Variants in NTNG2 observed in about 807,000 individuals in gnomAD.
NTNG2 encodes netrin G2, also known as netrin-G2.
In NTNG2, 15 loss-of-function variants were observed where a neutral mutation model predicts 47.6. The observed-to-expected ratio is 0.32, with a 90% CI of 0.21 to 0.49. The LOEUF is 0.49. Ranked by LOEUF, NTNG2 falls within the 20% of genes least tolerant of loss-of-function variation. The pLI, the probability that NTNG2 is intolerant of heterozygous loss-of-function variation, is 0.99. For missense variants in NTNG2, 578 were observed against 764.6 expected (o/e 0.76, Z 2.88); for synonymous variants, 307 against 324.6 (o/e 0.95, Z 0.58).
intron 3 of NTNG2, among the ~76,000 whole-genome samples, chr9:132,217,860 A>T (rs1255261746): frequency 6.6e-6 from 1 of 152,176 alleles, no homozygotes; most frequent in African/African-American, 2.4e-5. Flanking sequence ...TGGGGTTACC[A>T]TCTCTCAGTC....
rs1476021327 is a variant in NTNG2 at position 132,231,202 on chromosome 9, C to T, written c.1054+607C>T. On this transcript the variant is annotated intron_variant, in intron 5 of 7. Transcript: ENST00000393229. The surrounding 1 kb of genome is among the most constrained non-coding windows in gnomAD (Gnocchi z 4.1). ...GGGTCCTGAGAGTTCCCCAGGAGGG[C>T]GAGGGCGACATGGCGCCCACAGGTT... The T allele has an allele frequency of 7.2e-6, 3 of 415,550 alleles. No individual in the cohort carries two copies. The highest frequency in any genetic ancestry group is 2.6e-5 in the Admixed American group (1 of 38,432). The allele number at this position is 415,550 out of a possible 1,614,324, so 25.7% of individuals were successfully genotyped here. A position where few individuals can be genotyped will look rare whatever the true frequency, so the allele number is the denominator to read the frequency against.
At chr9:132,214,585 G>T (rs1056109212) in intron 3 of NTNG2, among the ~76,000 whole-genome samples, 1 of 152,194 alleles carries the variant, frequency 6.6e-6, no homozygotes, top group African/African-American at 2.4e-5. Context: ...TGAAAAGGTG[G>T]CTGTGGCTCT....
chr9:132,182,797 G>A lies in NTNG2; in HGVS notation c.214-15169G>A, dbSNP rs1015809746. ...GCTATGACCCCACCAGGAGCGGAGC[G>A]GGCAGGGACCAGGCTGCCCTCTAAG... On this transcript the variant is annotated intron_variant, in intron 2 of 7. Coordinates refer to ENST00000393229, the MANE Select transcript of NTNG2 (RefSeq NM_032536.4). The surrounding 1 kb of genome is among the most constrained non-coding windows in gnomAD (Gnocchi z 4.2). Among the ~76,000 whole-genome samples, 2 of 151,346 alleles carry A rather than the reference G, an allele frequency of 1.3e-5. No homozygotes were observed. The highest frequency in any genetic ancestry group is 2.1e-4 in the South Asian group (1 of 4,826).
Position 132,198,457 on chromosome 9 carries a change from G to A in NTNG2, c.705G>A (p.Thr235=). The stretch of plus-strand genomic sequence containing the variant: ...TGCGCAACATGGACAACCTCTACAC[G>A]CGGCTGGAGAGCGCCAAGGGCCTCA... ...PDLRNMDNLY[T]RLESAKGLKE... The change falls in exon 3 of 8, where the codon ACG becomes ACA. Residue 235 remains threonine, a synonymous_variant. Coordinates refer to ENST00000393229, the MANE Select transcript of NTNG2 (RefSeq NM_032536.4). The A allele has an allele frequency of 6.2e-7, 1 of 1,610,494 alleles. No homozygotes were observed. The highest frequency in any genetic ancestry group is 8.5e-7 in the Non-Finnish European group (1 of 1,177,964).
chr9:132,209,712 C>G (rs1267442190), intron 3 of NTNG2, among the ~76,000 whole-genome samples: 2 of 151,626 alleles, frequency 1.3e-5, no homozygotes. Context: ...AATGCCAACA[C>G]TTTTAAAAGA....
chr9:132,174,757 AC>A (rs1836284711), intron 2 of NTNG2, among the ~76,000 whole-genome samples: 1 of 151,980 alleles, frequency 6.6e-6, no homozygotes, highest in African/African-American at 2.4e-5. Flanking sequence ...CCCCGTCTCT[AC>A]TAAAAATACA....
chr9:132,168,316 A>G (rs997195825), intron 2 of NTNG2, among the ~76,000 whole-genome samples: 1 of 152,208 alleles, frequency 6.6e-6, no homozygotes, highest in Non-Finnish European at 1.5e-5. Flanking sequence ...GCTTGATGCC[A>G]TCCCCCAGGC....
At chr9:132,179,221 G>A (rs572917323) in intron 2 of NTNG2, among the ~76,000 whole-genome samples, 2 of 152,314 alleles carry the variant, frequency 1.3e-5, no homozygotes, top group Non-Finnish European at 2.9e-5. Flanking sequence ...ATCTGGTGGG[G>A]GACACAGGAT....
chr9:132,192,740 C>T (rs138164196), intron 2 of NTNG2, among the ~76,000 whole-genome samples: 330 of 152,232 alleles, frequency 2.2e-3, no homozygotes, highest in Non-Finnish European at 4.0e-3. Context: ...ATTCTGAGAC[C>T]TTGGGGAGCA....
chr9:132,171,283 T>C (rs1334147966), intron 2 of NTNG2, among the ~76,000 whole-genome samples: 2 of 152,168 alleles, frequency 1.3e-5, no homozygotes, highest in East Asian at 3.9e-4. Context: ...AGTTTCCCTA[T>C]CTGTAAAAGG....
chr9:132,174,880 C>A (rs1300873786), intron 2 of NTNG2, among the ~76,000 whole-genome samples: 2 of 151,736 alleles, frequency 1.3e-5, no homozygotes, highest in Admixed American at 1.3e-4. Flanking sequence ...TGAGATCGTC[C>A]CACTGCACTC....
intron 2 of NTNG2, among the ~76,000 whole-genome samples, chr9:132,172,269 C>T (rs1268426764): frequency 6.6e-6 from 1 of 152,214 alleles, no homozygotes; most frequent in Admixed American, 6.5e-5. Flanking sequence ...TTCTCTGACT[C>T]CTTTGCCCAG....
Position 132,241,838 on chromosome 9 carries a change from G to A in NTNG2, c.1358-38G>A, listed in dbSNP as rs757645581. The stretch of plus-strand genomic sequence containing the variant: ...GAGCTCGGAGGTTGGCGGGGGGACC[G>A]GGCCACCCCCCGTGCTGACCGCCCC... On this transcript the variant is annotated intron_variant, in intron 7 of 7. Coordinates refer to ENST00000393229, the MANE Select transcript of NTNG2 (RefSeq NM_032536.4). 8.3e-6 allele frequency: 12 copies of A among 1,440,996 alleles called. No homozygotes were observed. In the South Asian group the frequency reaches 1.5e-4, roughly 18 times the overall value. The allele number at this position is 1,440,996 out of a possible 1,614,324, so 89.3% of individuals were successfully genotyped here.
intron 2 of NTNG2, among the ~76,000 whole-genome samples, chr9:132,183,546 G>A (rs60391581): frequency 0.014 from 2,147 of 152,258 alleles, 80 homozygotes; most frequent in East Asian, 0.14. Context: ...GACTGCCCCA[G>A]CCCGTCACCT....
intron 2 of NTNG2, among the ~76,000 whole-genome samples, chr9:132,188,615 C>G (rs1837590918): frequency 6.6e-6 from 1 of 152,162 alleles, no homozygotes; most frequent in African/African-American, 2.4e-5. Flanking sequence ...AGCACAGGGC[C>G]GAGGTGGAAG....
rs375204040 is a variant in NTNG2 at position 132,239,067 on chromosome 9, G to A, written c.1055-37G>A. On this transcript the variant is annotated intron_variant, in intron 5 of 7. Transcript: ENST00000393229. ...TGTCCCTCAGTTTCCCTGAATGCTC[G>A]CTGACCATTGGTATTTCTCCCACTT... 2.4e-5 allele frequency: 38 copies of A among 1,598,198 alleles called. No individual in the cohort carries two copies. The South Asian group carries it at 3.1e-4, about 13-fold the overall frequency.
intron 2 of NTNG2, among the ~76,000 whole-genome samples, chr9:132,181,976 G>A (rs979121064): frequency 3.3e-5 from 5 of 152,156 alleles, no homozygotes; most frequent in African/African-American, 9.7e-5. Flanking sequence ...GTGTGTGTGC[G>A]TGCGTGCAGC....
rs771590912 is a variant in NTNG2, at chr9:132,162,535, A to AGT, written c.-484+316_-484+317dup. ...GGGTCCTTTCCGTCGTGTGTGTGAG[A>AGT]GTGTGTGTGTGTGTGTGTGTGAGAG... is the stretch of plus-strand genomic sequence containing the variant. On this transcript the variant is annotated intron_variant, in intron 1 of 7. Coordinates refer to ENST00000393229, the MANE Select transcript of NTNG2 (RefSeq NM_032536.4). This position sits in a 1 kb window ranked among gnomAD's most constrained non-coding sequence, Gnocchi z 4.6. Among the ~76,000 whole-genome samples, 1,107 of 78,250 alleles carry AGT rather than the reference A, an allele frequency of 0.014. 24 individuals carry two copies. Among genetic ancestry groups the AGT allele is most frequent in the Non-Finnish European group, 0.022 (819 of 37,776 alleles). 51.3% of individuals were successfully genotyped at this position (78,250 alleles called of 152,430 possible).
intron 3 of NTNG2, among the ~76,000 whole-genome samples, chr9:132,200,906 C>T (rs1413914257): frequency 6.6e-6 from 1 of 152,244 alleles, no homozygotes; most frequent in African/African-American, 2.4e-5. Flanking sequence ...GACCTCTGCC[C>T]TCGGGATGCA....
Sources: allele counts gnomAD v4.1 joint callset (sites outside exome capture counted in the v4.1 genomes callset), GRCh38; gene constraint gnomAD v4.1.1; non-coding constraint Gnocchi (gnomAD v3.1); transcripts MANE v1.5; gene names NCBI Gene and HGNC (gene_info 2026-07-23, HGNC 2026-07-21).